DENND3: variants seen among roughly 807,000 people sequenced by gnomAD.
DENND3 encodes the protein DENN domain-containing protein 3.
In DENND3, 88 loss-of-function variants were observed where a neutral mutation model predicts 135.1. The observed-to-expected ratio is 0.65, with a 90% CI of 0.55 to 0.78. The LOEUF (loss-of-function observed/expected upper bound fraction) is 0.78, where lower values mean the gene tolerates loss of function less well. Ranked by LOEUF, DENND3 falls within the 30% of genes least tolerant of loss-of-function variation. The probability of loss-of-function intolerance (pLI) is 0.00; values close to 1 mark genes in which losing one functional copy is unlikely to be tolerated. For synonymous variants in DENND3, 693 were observed against 712.3 expected (o/e 0.97, Z 0.43); for missense variants, 1,392 against 1,688.4 (o/e 0.82, Z 3.08).
Position 141,141,408 on chromosome 8 carries a change from A to T in DENND3, c.623+84A>T. The T allele has an allele frequency of 2.9e-5, 21 of 723,990 alleles. No homozygotes were observed. Among genetic ancestry groups the T allele is most frequent in the African/African-American group, 8.4e-5 (2 of 23,804 alleles). 44.8% of individuals were successfully genotyped at this position (723,990 alleles called of 1,614,324 possible). A position where few individuals can be genotyped will look rare whatever the true frequency, so the allele number is the denominator to read the frequency against. On this transcript the variant is annotated intron_variant, in intron 4 of 22. Transcript: ENST00000519811. This position sits in a 1 kb window ranked among gnomAD's most constrained non-coding sequence, Gnocchi z 5.3. Reference sequence around the variant, plus strand: ...GTGAGCCAAGGGACCAGGGGGCTGGAGGTGGTGGGGGGGCAGCTCTCTGTT... The same window carrying T: ...GTGAGCCAAGGGACCAGGGGGCTGGTGGTGGTGGGGGGGCAGCTCTCTGTT...
chr8:141,159,140 G>A (rs1417205813), intron 8 of DENND3, among the ~76,000 whole-genome samples: 1 of 152,214 alleles, frequency 6.6e-6, no homozygotes, highest in Non-Finnish European at 1.5e-5. Context: ...CTCAGCAGCT[G>A]CTGCTCAGCA....
rs573618032 is a variant in DENND3 at position 141,141,859 on chromosome 8, A to G, written c.623+535A>G. ...GGGGTTTGAGACAAGCCTAGGGAAC[A>G]TAGCAATACCCTGTCTCTAAAAAAC... On this transcript the variant is annotated intron_variant, in intron 4 of 22. Coordinates refer to ENST00000519811, the MANE Select transcript of DENND3 (RefSeq NM_001352890.3). The surrounding 1 kb of genome is among the most constrained non-coding windows in gnomAD (Gnocchi z 5.3). 5.2e-5 allele frequency: 10 copies of G among 190,926 alleles called. No homozygotes were observed. The highest frequency in any genetic ancestry group is 1.9e-4 in the African/African-American group (8 of 41,904). 11.8% of individuals were successfully genotyped at this position (190,926 alleles called of 1,614,324 possible).
At chr8:141,151,893 G>A in intron 7 of DENND3, 56 bp downstream of exon 7, 1 of 1,589,336 alleles carries the variant, frequency 6.3e-7, no homozygotes, top group Non-Finnish European at 8.6e-7. Flanking sequence ...CCATCACGGG[G>A]ACACATGGGA....
intron 1 of DENND3, among the ~76,000 whole-genome samples, chr8:141,133,631 A>G (rs1426401728): frequency 6.6e-6 from 1 of 152,038 alleles, no homozygotes; most frequent in African/African-American, 2.4e-5. Context: ...GTGTGGAAAC[A>G]TGGTGCAGCG....
chr8:141,157,728 G>C (rs1230561486), intron 8 of DENND3: 2 of 985,844 alleles, frequency 2.0e-6, no homozygotes. Flanking sequence ...CTACCTGGAA[G>C]GTTTCTGAAA....
rs1429730459 is a variant in DENND3 at position 141,195,542 on chromosome 8, T to C, written c.*1309T>C. The C allele has an allele frequency of 1.3e-5, 2 of 152,224 alleles. No individual in the cohort carries two copies. The highest frequency in any genetic ancestry group is 2.9e-5 in the Non-Finnish European group (2 of 68,046). 9.4% of individuals were successfully genotyped at this position (152,224 alleles called of 1,614,324 possible). A position where few individuals can be genotyped will look rare whatever the true frequency, so the allele number is the denominator to read the frequency against. ...GGTTTTCCCCCAAGGCTTGGCTTTG[T>C]GTAGCTACTAACTTCTTGGGGCATT... On this transcript the variant is annotated 3_prime_UTR_variant, in exon 23 of 23. Coordinates refer to ENST00000519811, the MANE Select transcript of DENND3 (RefSeq NM_001352890.3).
intron 4 of DENND3, among the ~76,000 whole-genome samples, chr8:141,143,245 G>C (rs1024999308): frequency 3.9e-5 from 6 of 152,172 alleles, no homozygotes; most frequent in Middle Eastern, 3.2e-3. Flanking sequence ...GTTGTGTTTT[G>C]GGAATCAGAG....
chr8:141,187,483 G>C (rs976205454), intron 18 of DENND3, among the ~76,000 whole-genome samples: 1 of 151,984 alleles, frequency 6.6e-6, no homozygotes, highest in African/African-American at 2.4e-5. Flanking sequence ...CCTCGGCCCC[G>C]CCAAAGTGCT....
chr8:141,193,353 T>C (rs11784862), intron 22 of DENND3: 107,344 of 155,076 alleles, frequency 0.69, 37,841 homozygotes, highest in African/African-American at 0.83. Context: ...GTCCCTCCAG[T>C]GTCAGTTCTG....
chr8:141,161,817 T>C (rs1820162042), intron 9 of DENND3, among the ~76,000 whole-genome samples: 1 of 150,886 alleles, frequency 6.6e-6, no homozygotes, highest in Middle Eastern at 3.4e-3. Flanking sequence ...TTTTTTTTTT[T>C]TGAGATGGAG....
Position 141,155,836 on chromosome 8 carries a change from C to T in DENND3, c.1075-13C>T. The T allele has an allele frequency of 6.3e-7, 1 of 1,577,402 alleles. No individual in the cohort carries two copies. The highest frequency in any genetic ancestry group is 8.6e-7 in the Non-Finnish European group (1 of 1,161,730). On this transcript the variant is annotated splice_polypyrimidine_tract_variant and intron_variant, in intron 7 of 22. Coordinates refer to ENST00000519811, the MANE Select transcript of DENND3 (RefSeq NM_001352890.3). ...CTTTTATCAATCTTTACAGATGATT[C>T]CTTGTTTTCTAGGAAGCCGACGGTT...
Position 141,144,463 on chromosome 8 carries a change from ATGAC to A in DENND3, c.735+207_735+210del, listed in dbSNP as rs112710966. ...ACCCCAGAGAAACCCAAAAAACAGA[ATGAC>A]TGGCCAGAATGGAAGGGAGGTCAGA... On this transcript the variant is annotated intron_variant, in intron 5 of 22. Coordinates refer to ENST00000519811, the MANE Select transcript of DENND3 (RefSeq NM_001352890.3). The surrounding 1 kb of genome is among the most constrained non-coding windows in gnomAD (Gnocchi z 4.4). Among the ~76,000 whole-genome samples the A allele has an allele frequency of 0.024, 3,617 of 152,126 alleles. 148 individuals carry two copies. The highest frequency in any genetic ancestry group is 0.082 in the African/African-American group (3,388 of 41,466).
At chr8:141,133,260 T>C (rs1816360837) in intron 1 of DENND3, among the ~76,000 whole-genome samples, 1 of 152,090 alleles carries the variant, frequency 6.6e-6, no homozygotes, top group Non-Finnish European at 1.5e-5. Flanking sequence ...TTGCTTGGCT[T>C]TGGGGGCATC....
intron 5 of DENND3, among the ~76,000 whole-genome samples, chr8:141,145,836 TA>T (rs1569555470): frequency 5.5e-4 from 45 of 82,192 alleles, no homozygotes; most frequent in African/African-American, 3.9e-3. Context: ...TATATATATA[TA>T]TATATATATA....
In DENND3 at chr8:141,163,432, G is replaced by A. The variant is rs749559664; in HGVS notation, c.1449+3G>A. ...GGGACCATCAGTTTTATAAGCAGGT[G>A]AGAGCTGTGGGATTTGGGTGTGCCT... On this transcript the variant is annotated splice_donor_region_variant and intron_variant, in intron 10 of 22. Transcript: ENST00000519811. 4.4e-6 allele frequency: 7 copies of A among 1,600,404 alleles called. No individual in the cohort carries two copies. Among genetic ancestry groups the A allele is most frequent in the South Asian group, 3.3e-5 (3 of 90,552 alleles).
intron 8 of DENND3, among the ~76,000 whole-genome samples, chr8:141,159,311 A>G (rs752533339): frequency 4.6e-5 from 7 of 152,030 alleles, no homozygotes; most frequent in Non-Finnish European, 7.4e-5. Flanking sequence ...CACCCTTCCC[A>G]TCACAGAGAA....
At position 141,144,669 on chromosome 8, in the gene DENND3, CA is replaced by C. The variant is rs758508653; in HGVS notation, c.735+411del. On this transcript the variant is annotated intron_variant, in intron 5 of 22. Transcript: ENST00000519811. This position sits in a 1 kb window ranked among gnomAD's most constrained non-coding sequence, Gnocchi z 4.4. The stretch of plus-strand genomic sequence containing the variant: ...TCCCGGCCATGACAGGAAGGAAGGT[CA>C]GACACGCCTTGTTATGCCCGCTCCC... 4.0e-5 allele frequency among the ~76,000 whole-genome samples: 6 copies of C among 151,322 alleles called. No homozygotes were observed. Among genetic ancestry groups the C allele is most frequent in the Non-Finnish European group, 7.4e-5 (5 of 68,024 alleles).
intron 20 of DENND3, chr8:141,190,772 G>T: frequency 4.6e-6 from 1 of 217,554 alleles, no homozygotes; most frequent in Non-Finnish European, 9.1e-6. Context: ...GGAGGCCTCT[G>T]TGTGCGTCAC....
intron 10 of DENND3, 47 bp downstream of exon 10, chr8:141,163,476 A>G (rs762649155): frequency 1.1e-5 from 13 of 1,224,024 alleles, no homozygotes; most frequent in African/African-American, 6.1e-5. Context: ...TCAATCCATT[A>G]TCCTTTTCTG....
Sources: gnomAD v4.1 joint callset for allele counts (sites outside exome capture counted in the v4.1 genomes callset) on GRCh38, gnomAD v4.1.1 for gene constraint, Gnocchi (gnomAD v3.1) non-coding constraint, MANE v1.5 for transcripts, NCBI Gene and HGNC (gene_info 2026-07-23, HGNC 2026-07-21) for gene names.